VGLL4: variants seen among roughly 807,000 people sequenced by gnomAD.
VGLL4 encodes transcription cofactor vestigial-like protein 4.
In VGLL4, 7 loss-of-function variants were observed where a neutral mutation model predicts 21.0. That is an observed-to-expected ratio of 0.33 (90% CI 0.19 to 0.63). The LOEUF (loss-of-function observed/expected upper bound fraction) is 0.63, where lower values mean the gene tolerates loss of function less well. Among genes scored for constraint, VGLL4 ranks in the 20% least tolerant of loss-of-function variants. The pLI, the probability that VGLL4 is intolerant of heterozygous loss-of-function variation, is 0.78. For synonymous variants in VGLL4, 222 were observed against 173.2 expected, an observed-to-expected ratio of 1.28 and a Z score of -2.21; for missense variants, 394 against 425.7, an observed-to-expected ratio of 0.93 and a Z score of 0.66.
chr3:11,600,061 C>T (rs6772112), intron 2 of VGLL4, among the ~76,000 whole-genome samples: 141,833 of 152,222 alleles, frequency 0.93, 66,198 homozygotes, highest in African/African-American at 0.95. Context: ...TATTTTCTTA[C>T]TCTCTATCAT....
chr3:11,678,338 G>A (rs1309236231), intron 2 of VGLL4, among the ~76,000 whole-genome samples: 1 of 152,128 alleles, frequency 6.6e-6, no homozygotes, highest in Non-Finnish European at 1.5e-5. Flanking sequence ...TTACAGGCGT[G>A]AGCCTCTGCA....
upstream of VGLL4, among the ~76,000 whole-genome samples, chr3:11,646,052 T>C (rs2075785954): frequency 6.6e-6 from 1 of 152,170 alleles, no homozygotes; most frequent in Non-Finnish European, 1.5e-5. Context: ...CAGTAATCAC[T>C]GGGGTGACAT....
At chr3:11,648,160 T>C (rs2075819754), upstream of VGLL4, among the ~76,000 whole-genome samples, 1 of 152,204 alleles carries the variant, frequency 6.6e-6, no homozygotes, top group African/African-American at 2.4e-5. Flanking sequence ...TTTCTACGAA[T>C]GAATAAGTTT....
At chr3:11,664,375 G>A (rs1183831277) in intron 2 of VGLL4, among the ~76,000 whole-genome samples, 2 of 152,188 alleles carry the variant, frequency 1.3e-5, no homozygotes, top group African/African-American at 4.8e-5. Context: ...ACTCTATGGG[G>A]AGTCCAAAGA....
chr3:11,573,280 A>G (rs1237146339), intron 2 of VGLL4, among the ~76,000 whole-genome samples: 3 of 10,640 alleles, frequency 2.8e-4, no homozygotes, highest in African/African-American at 7.7e-4. Flanking sequence ...AGAAAGAAAG[A>G]AAGAAAGAAA....
At chr3:11,595,780 G>T (rs1482316240) in intron 2 of VGLL4, among the ~76,000 whole-genome samples, 1 of 150,202 alleles carries the variant, frequency 6.7e-6, no homozygotes, top group Non-Finnish European at 1.5e-5. Flanking sequence ...GGTGGGAATT[G>T]AACAATGAGA....
intron 1 of VGLL4, among the ~76,000 whole-genome samples, chr3:11,606,996 G>T (rs959755264): frequency 6.6e-6 from 1 of 152,080 alleles, no homozygotes. Flanking sequence ...AACCAACTCC[G>T]GACACAGCAT....
intron 2 of VGLL4, among the ~76,000 whole-genome samples, chr3:11,566,515 G>A (rs981254486): frequency 1.3e-5 from 2 of 152,114 alleles, no homozygotes; most frequent in African/African-American, 4.8e-5. Context: ...AGCTCAGCAC[G>A]GGCCTTGGTA....
intron 2 of VGLL4, among the ~76,000 whole-genome samples, chr3:11,701,129 A>G (rs146375955): frequency 2.5e-4 from 38 of 152,296 alleles, no homozygotes; most frequent in African/African-American, 8.7e-4. Flanking sequence ...TGTGATCCCC[A>G]ACGTTGGAAG....
intron 1 of VGLL4, among the ~76,000 whole-genome samples, chr3:11,628,644 C>T (rs1243878809): frequency 6.6e-6 from 1 of 151,678 alleles, no homozygotes; most frequent in African/African-American, 2.4e-5. Context: ...CACGGTGAAA[C>T]CCCGTCTCTA....
At chr3:11,717,437 G>A (rs541382010) in intron 1 of VGLL4, among the ~76,000 whole-genome samples, 1 of 149,894 alleles carries the variant, frequency 6.7e-6, no homozygotes, top group East Asian at 2.0e-4. Context: ...AACCACCAGA[G>A]ACTGGTAACA....
intron 1 of VGLL4, among the ~76,000 whole-genome samples, chr3:11,603,310 A>G (rs1281999449): frequency 6.6e-6 from 1 of 152,202 alleles, no homozygotes; most frequent in African/African-American, 2.4e-5. Flanking sequence ...ATTTCTTTTA[A>G]GGATTCTGGC....
rs75469761 is a variant in VGLL4 at position 11,676,009 on chromosome 3, A to G, written c.64+26962T>C. Among the ~76,000 whole-genome samples, 192 of 152,314 alleles carry G rather than the reference A, an allele frequency of 1.3e-3. No individual in the cohort carries two copies. The East Asian group carries it at 0.033, about 26-fold the overall frequency. On this transcript the variant is annotated intron_variant, in intron 2 of 5. Transcript: ENST00000273038. ...TTATTCTTTACTCTCACTTTATCTT[A>G]GTTACACACCATATGTGACCTTCAA...
intron 2 of VGLL4, among the ~76,000 whole-genome samples, chr3:11,674,011 C>CAAAAAAAAA: frequency 1.8e-5 from 1 of 56,878 alleles, no homozygotes; most frequent in Non-Finnish European, 3.1e-5. Flanking sequence ...GACTTTGTCT[C>CAAAAAAAAA]AAAAAAAAAA....
At chr3:11,587,588 T>C (rs79754023) in intron 2 of VGLL4, among the ~76,000 whole-genome samples, 1,935 of 152,218 alleles carry the variant, frequency 0.013, 36 homozygotes, top group African/African-American at 0.044. Context: ...TTGGAAAAAT[T>C]TGAAAAATAC....
chr3:11,693,052 C>A, intron 2 of VGLL4: 1 of 185,900 alleles, frequency 5.4e-6, no homozygotes, highest in Non-Finnish European at 1.2e-5. Flanking sequence ...TACCTGTGGT[C>A]CCAGCTACTC....
intron 2 of VGLL4, among the ~76,000 whole-genome samples, chr3:11,594,414 AATGAG>A (rs2074583082): frequency 6.6e-6 from 1 of 152,236 alleles, no homozygotes; most frequent in Admixed American, 6.5e-5. Context: ...GTGAGAGTTA[AATGAG>A]ATAATATATT....
intron 2 of VGLL4, among the ~76,000 whole-genome samples, chr3:11,696,157 AC>A (rs1216008668): frequency 6.6e-6 from 1 of 152,182 alleles, no homozygotes; most frequent in Non-Finnish European, 1.5e-5. Flanking sequence ...CTAAGGGAAA[AC>A]CAGACTCAAC....
At chr3:11,586,685 C>T (rs566576970) in intron 2 of VGLL4, among the ~76,000 whole-genome samples, 4 of 152,156 alleles carry the variant, frequency 2.6e-5, no homozygotes, top group Admixed American at 6.5e-5. Context: ...CCATTTTACA[C>T]GAGGGACTTG....
Sources: gnomAD v4.1 joint callset for allele counts (sites outside exome capture counted in the v4.1 genomes callset) on GRCh38, gnomAD v4.1.1 for gene constraint, MANE v1.5 for transcripts, NCBI Gene and HGNC (gene_info 2026-07-23, HGNC 2026-07-21) for gene names.